The following MAGI2 variants were observed in gnomAD, a reference collection of about 807,000 sequenced individuals.
MAGI2 encodes membrane associated guanylate kinase, WW and PDZ domain containing 2, also known as membrane-associated guanylate kinase, WW and PDZ domain-containing protein 2.
Under a neutral mutation model 133.3 loss-of-function variants are expected in MAGI2, and 35 were observed. That is an observed-to-expected ratio of 0.26 (90% CI 0.20 to 0.35). The LOEUF (loss-of-function observed/expected upper bound fraction) is 0.35, where lower values mean the gene tolerates loss of function less well. Ranked by LOEUF, MAGI2 falls within the 10% of genes least tolerant of loss-of-function variation. The pLI is 1.00. For synonymous variants in MAGI2, 729 were observed against 710.6 expected (o/e 1.03, Z -0.41); for missense variants, 1,636 against 1,863.4 (o/e 0.88, Z 2.25).
chr7:79,366,723 T>C (rs1035449213), intron 1 of MAGI2, among the ~76,000 whole-genome samples: 8 of 152,186 alleles, frequency 5.3e-5, no homozygotes, highest in Admixed American at 1.3e-4. Context: ...TATTAATTTA[T>C]AATTATCTCA....
At chr7:79,013,604 A>C (rs1808400443) in intron 1 of MAGI2, among the ~76,000 whole-genome samples, 1 of 152,188 alleles carries the variant, frequency 6.6e-6, no homozygotes, top group Non-Finnish European at 1.5e-5. Context: ...GATTCTGCTA[A>C]GAGCCACAGA....
chr7:79,279,201 C>T (rs535568274), intron 1 of MAGI2, among the ~76,000 whole-genome samples: 15 of 152,106 alleles, frequency 9.9e-5, no homozygotes, highest in African/African-American at 2.4e-4. Context: ...TTACAAAAAA[C>T]GTCCCTCACT....
chr7:78,486,843 G>T, intron 6 of MAGI2: 1 of 477,704 alleles, frequency 2.1e-6, no homozygotes, highest in Non-Finnish European at 4.2e-6. Flanking sequence ...TCGACAGAAA[G>T]ACAGCAAAGA....
At chr7:79,210,119 T>C (rs565752332) in intron 1 of MAGI2, among the ~76,000 whole-genome samples, 1 of 152,194 alleles carries the variant, frequency 6.6e-6, no homozygotes, top group South Asian at 2.1e-4. Flanking sequence ...CTTTGTTAAA[T>C]ACATTGACTG....
intron 1 of MAGI2, among the ~76,000 whole-genome samples, chr7:79,351,530 CTAAGTA>C (rs1441960649): frequency 2.0e-5 from 3 of 152,032 alleles, no homozygotes; most frequent in African/African-American, 7.2e-5. Context: ...GCAAGCTATT[CTAAGTA>C]TAATTCCATA....
intron 6 of MAGI2, among the ~76,000 whole-genome samples, chr7:78,409,464 G>C (rs1797676016): frequency 6.6e-6 from 1 of 151,848 alleles, no homozygotes; most frequent in Admixed American, 6.6e-5. Flanking sequence ...GTACTTCAGG[G>C]GCATCACAAA....
chr7:78,672,268 C>A (rs1010554975), intron 2 of MAGI2, among the ~76,000 whole-genome samples: 1 of 152,036 alleles, frequency 6.6e-6, no homozygotes, highest in Non-Finnish European at 1.5e-5. Flanking sequence ...GCTGGGACCT[C>A]CCCCCTCTCT....
chr7:78,194,216 T>C (rs1379163280), intron 12 of MAGI2, among the ~76,000 whole-genome samples: 2 of 152,190 alleles, frequency 1.3e-5, no homozygotes, highest in Admixed American at 1.3e-4. Flanking sequence ...AGCACAACAA[T>C]GGTGCAAGCA....
At chr7:78,979,098 G>C (rs990984199) in intron 2 of MAGI2, among the ~76,000 whole-genome samples, 2 of 151,788 alleles carry the variant, frequency 1.3e-5, no homozygotes, top group Non-Finnish European at 2.9e-5. Context: ...ACACATAGAA[G>C]TATTTTTAGA....
chr7:78,702,952 A>T (rs1442746584), intron 2 of MAGI2, among the ~76,000 whole-genome samples: 1 of 151,966 alleles, frequency 6.6e-6, no homozygotes, highest in African/African-American at 2.4e-5. Context: ...GGGTTAAAAG[A>T]ATCACCCAAG....
chr7:78,552,434 C>T (rs1490397290), intron 3 of MAGI2, among the ~76,000 whole-genome samples: 1 of 151,330 alleles, frequency 6.6e-6, no homozygotes, highest in African/African-American at 2.4e-5. Context: ...CTGCCCGCCT[C>T]GGCCTCCCAA....
intron 3 of MAGI2, among the ~76,000 whole-genome samples, chr7:78,527,874 C>A (rs1470360179): frequency 6.6e-6 from 1 of 152,120 alleles, no homozygotes; most frequent in Non-Finnish European, 1.5e-5. Flanking sequence ...ACGATAGATC[C>A]TTCCATATGG....
At chr7:79,244,120 G>C (rs1037136737) in intron 1 of MAGI2, among the ~76,000 whole-genome samples, 1 of 152,124 alleles carries the variant, frequency 6.6e-6, no homozygotes. Context: ...CTCTCCATGA[G>C]GTCTTTGTAA....
intron 9 of MAGI2, among the ~76,000 whole-genome samples, chr7:78,305,300 C>T (rs1562792345): frequency 6.6e-6 from 1 of 152,162 alleles, no homozygotes; most frequent in Non-Finnish European, 1.5e-5. Context: ...GGTTGGCTCT[C>T]AGCTAAATGT....
At chr7:78,719,218 G>A (rs1237402689) in intron 2 of MAGI2, among the ~76,000 whole-genome samples, 3 of 152,138 alleles carry the variant, frequency 2.0e-5, no homozygotes, top group Non-Finnish European at 4.4e-5. Context: ...TCAAGGATCT[G>A]ACACATGCTG....
intron 6 of MAGI2, among the ~76,000 whole-genome samples, chr7:78,456,715 A>G (rs770621103): frequency 6.6e-6 from 1 of 152,162 alleles, no homozygotes; most frequent in Non-Finnish European, 1.5e-5. Context: ...GGACGTAGGG[A>G]TGGGAGCAAG....
At chr7:78,467,570 A>C (rs765199750) in intron 6 of MAGI2, among the ~76,000 whole-genome samples, 1 of 151,828 alleles carries the variant, frequency 6.6e-6, no homozygotes, top group Non-Finnish European at 1.5e-5. Context: ...TGGCAGAGTG[A>C]TATACTAGAT....
chr7:78,859,245 G>A (rs188111221), intron 2 of MAGI2, among the ~76,000 whole-genome samples: 13 of 152,152 alleles, frequency 8.5e-5, no homozygotes, highest in African/African-American at 2.7e-4. Flanking sequence ...TTACATTTAA[G>A]GTTAATATTG....
intron 1 of MAGI2, among the ~76,000 whole-genome samples, chr7:79,418,378 G>A (rs4730814): frequency 0.25 from 37,750 of 151,882 alleles, 6,733 homozygotes; most frequent in African/African-American, 0.51. Context: ...GTAGCTCACT[G>A]AGCAGTTCAA....
Sources: allele counts gnomAD v4.1 joint callset (sites outside exome capture counted in the v4.1 genomes callset), GRCh38; gene constraint gnomAD v4.1.1; transcripts MANE v1.5; gene names NCBI Gene and HGNC (gene_info 2026-07-23, HGNC 2026-07-21).